The following MN1 variants were observed in gnomAD, a reference collection of about 807,000 sequenced individuals.
MN1 encodes the protein transcriptional activator MN1.
A neutral mutation model predicts 86.9 loss-of-function variants in MN1; 19 were observed. The ratio of observed to expected loss-of-function variants is 0.22; its 90% CI spans 0.15 to 0.32. The LOEUF (loss-of-function observed/expected upper bound fraction) is 0.32, where lower values mean the gene tolerates loss of function less well. Ranked by LOEUF, MN1 falls within the 10% of genes least tolerant of loss-of-function variation. The pLI is 1.00. For missense variants in MN1, 1,841 were observed against 1,862.0 expected, an observed-to-expected ratio of 0.99 and a Z score of 0.21; for synonymous variants, 928 against 849.6, an observed-to-expected ratio of 1.09 and a Z score of -1.60.
intron 1 of MN1, among the ~76,000 whole-genome samples, chr22:27,792,792 G>A (rs1345775561): frequency 1.3e-5 from 2 of 152,136 alleles, no homozygotes; most frequent in Non-Finnish European, 2.9e-5. Flanking sequence ...AGGGAAACAG[G>A]ATTGCAAAGC....
chr22:27,751,241 G>C (rs1932762000), intron 1 of MN1, 145 bp from the exon 2 acceptor site: 1 of 558,012 alleles, frequency 1.8e-6, no homozygotes. Flanking sequence ...AGAGGATCTA[G>C]AGATGTTGTT....
chr22:27,780,609 G>T (rs1477764488), intron 1 of MN1, among the ~76,000 whole-genome samples: 1 of 152,178 alleles, frequency 6.6e-6, no homozygotes, highest in East Asian at 1.9e-4. Context: ...AGAATCACCA[G>T]AACACTAGTG....
chr22:27,783,860 T>A (rs1349420248), intron 1 of MN1, among the ~76,000 whole-genome samples: 1 of 152,184 alleles, frequency 6.6e-6, no homozygotes, highest in Non-Finnish European at 1.5e-5. Flanking sequence ...CGAGTCCGAA[T>A]ATCTCCACGT....
chr22:27,781,473 G>C (rs1023784285), intron 1 of MN1, among the ~76,000 whole-genome samples: 1 of 152,074 alleles, frequency 6.6e-6, no homozygotes. Context: ...GGGCAATATT[G>C]CCCCAGGGTG....
At chr22:27,770,307 C>T (rs1342528042) in intron 1 of MN1, among the ~76,000 whole-genome samples, 2 of 152,218 alleles carry the variant, frequency 1.3e-5, no homozygotes, top group Non-Finnish European at 2.9e-5. Context: ...AGTCCATAGA[C>T]AGTTGGCGGT....
chr22:27,774,452 A>C (rs1423764925), intron 1 of MN1, among the ~76,000 whole-genome samples: 2 of 152,190 alleles, frequency 1.3e-5, no homozygotes, highest in Non-Finnish European at 2.9e-5. Flanking sequence ...CCCAGGTCGG[A>C]GGTCCACCCC....
intron 1 of MN1, among the ~76,000 whole-genome samples, chr22:27,757,709 G>C (rs754326465): frequency 1.3e-5 from 2 of 152,070 alleles, no homozygotes; most frequent in Non-Finnish European, 2.9e-5. Flanking sequence ...AGCTGAATCA[G>C]GTCTGGTGGG....
chr22:27,783,453 A>G (rs1933081053), intron 1 of MN1, among the ~76,000 whole-genome samples: 1 of 152,162 alleles, frequency 6.6e-6, no homozygotes, highest in South Asian at 2.1e-4. Flanking sequence ...CTTTTTAAAA[A>G]GGCTTGGAAA....
chr22:27,754,821 G>A (rs1932792128), intron 1 of MN1, among the ~76,000 whole-genome samples: 1 of 152,188 alleles, frequency 6.6e-6, no homozygotes, highest in South Asian at 2.1e-4. Context: ...AGCTCCCAGG[G>A]TTGGCGGAGA....
At position 27,798,816 on chromosome 22, in the gene MN1, A is replaced by T. The variant is rs2146317053; in HGVS notation, c.1728T>A (p.Ala576=). 3.3e-6 allele frequency: 5 copies of T among 1,537,362 alleles called. No individual in the cohort carries two copies. The highest frequency in any genetic ancestry group is 4.4e-6 in the Non-Finnish European group (5 of 1,146,398). The change falls in exon 1 of 2, where the codon GCT becomes GCA. Residue 576 remains alanine, a synonymous_variant. Transcript: ENST00000302326. ...QQQRLRQPNL[A]QLGHPGDVGQ... is the part of the protein sequence containing the mutation. ...CCACGTCCCCGGGGTGGCCTAGCTG[A>T]GCCAGGTTGGGCTGGCGCAGCCGCT...
At chr22:27,780,236 C>T (rs550065268) in intron 1 of MN1, among the ~76,000 whole-genome samples, 1 of 152,172 alleles carries the variant, frequency 6.6e-6, no homozygotes, top group Non-Finnish European at 1.5e-5. Flanking sequence ...AGAATGGACT[C>T]CAAACTGCTA....
chr22:27,784,690 A>G (rs143999957), intron 1 of MN1, among the ~76,000 whole-genome samples: 69 of 152,308 alleles, frequency 4.5e-4, no homozygotes, highest in African/African-American at 1.6e-3. Context: ...TGCATAAGCC[A>G]TTTACAATAT....
At chr22:27,769,146 C>T (rs1932893373) in intron 1 of MN1, among the ~76,000 whole-genome samples, 1 of 152,168 alleles carries the variant, frequency 6.6e-6, no homozygotes. Context: ...GGGGCTCCCA[C>T]CAAAACATAT....
intron 1 of MN1, among the ~76,000 whole-genome samples, chr22:27,775,547 G>A (rs1032267877): frequency 6.6e-6 from 1 of 152,134 alleles, no homozygotes; most frequent in African/African-American, 2.4e-5. Flanking sequence ...TGCCCTGTGT[G>A]ACCACATGCA....
Position 27,800,586 on chromosome 22 carries a change from G to A in MN1, c.-43C>T, listed in dbSNP as rs1453598159. On this transcript the variant is annotated 5_prime_UTR_variant, in exon 1 of 2. Coordinates refer to ENST00000302326, the MANE Select transcript of MN1 (RefSeq NM_002430.3). ...GGGGGATCAATAGGGCATGACAGCC[G>A]GCTCTCCGCGGCGCGCCTCCGGCCA... 5.0e-6 allele frequency: 8 copies of A among 1,611,156 alleles called. No individual in the cohort carries two copies. The highest frequency in any genetic ancestry group is 6.8e-6 in the Non-Finnish European group (8 of 1,179,680).
In MN1 at chr22:27,797,429, G is replaced by T; in HGVS notation, c.3115C>A (p.Pro1039Thr). The T allele has an allele frequency of 6.2e-7, 1 of 1,609,978 alleles. No homozygotes were observed. The change falls in exon 1 of 2, where the codon CCA (proline) becomes ACA (threonine). Residue 1039 changes from proline (P) to threonine (T), a missense_variant. Transcript: ENST00000302326. ...DGGAKSDSSS[P>T]NVGEFASDEV... ...TCCGAGGCGAACTCACCCACGTTTGGCGAACTACTGTCCGACTTGGCCCCG... is the reference window on the plus strand; with the variant it reads ...TCCGAGGCGAACTCACCCACGTTTGTCGAACTACTGTCCGACTTGGCCCCG...
intron 1 of MN1, among the ~76,000 whole-genome samples, chr22:27,783,580 C>A (rs1404552228): frequency 1.3e-5 from 2 of 152,204 alleles, no homozygotes; most frequent in Admixed American, 1.3e-4. Flanking sequence ...CAAAGGTCAA[C>A]TATAGTCCTG....
rs541474198 is a variant in MN1, at chr22:27,770,546, TA to T, written c.3782-19451del. 2.6e-4 allele frequency among the ~76,000 whole-genome samples: 39 copies of T among 152,324 alleles called. 1 individual carries two copies. The East Asian group carries it at 7.5e-3, about 29-fold the overall frequency. On this transcript the variant is annotated intron_variant, in intron 1 of 1. Coordinates refer to ENST00000302326, the MANE Select transcript of MN1 (RefSeq NM_002430.3). Reference sequence around the variant, plus strand: ...GGCCTCAGTCTCCCTGCAATGGAAGTAATAGTCCTGACTTGATCAAAGAACA... The same window carrying T: ...GGCCTCAGTCTCCCTGCAATGGAAGTATAGTCCTGACTTGATCAAAGAACA...
In MN1 at chr22:27,752,940, C is replaced by T. The variant is rs966536224; in HGVS notation, c.3782-1844G>A. Among the ~76,000 whole-genome samples the T allele has an allele frequency of 7.2e-5, 11 of 152,344 alleles. No individual in the cohort carries two copies. The South Asian group carries it at 2.3e-3, about 32-fold the overall frequency. On this transcript the variant is annotated intron_variant, in intron 1 of 1. Transcript: ENST00000302326. Reference sequence around the variant, plus strand: ...AGGCAGGAGTCACCGGCCCGCCCTGCCCTCTGGGATTAAGCAGGAGGCCTC... The same window carrying T: ...AGGCAGGAGTCACCGGCCCGCCCTGTCCTCTGGGATTAAGCAGGAGGCCTC...
Sources: allele counts gnomAD v4.1 joint callset (sites outside exome capture counted in the v4.1 genomes callset), GRCh38; gene constraint gnomAD v4.1.1; transcripts MANE v1.5; gene names NCBI Gene and HGNC (gene_info 2026-07-23, HGNC 2026-07-21).